HMGA2: variants seen among roughly 807,000 people sequenced by gnomAD.
HMGA2 encodes high mobility group protein HMGI-C.
Under a neutral mutation model 19.1 loss-of-function variants are expected in HMGA2, and 8 were observed. The observed-to-expected ratio is 0.42, with a 90% confidence interval of 0.25 to 0.76. The LOEUF is 0.76. Among genes scored for constraint, HMGA2 ranks in the 30% least tolerant of loss-of-function variants. The pLI is 0.28. For synonymous variants in HMGA2, 60 were observed against 48.8 expected (o/e 1.23, Z -0.96); for missense variants, 109 against 136.3 (o/e 0.80, Z 1.00).
chr12:65,915,590 G>A, intron 3 of HMGA2: 7 of 1,044,162 alleles, frequency 6.7e-6, no homozygotes, highest in Non-Finnish European at 8.2e-6. Context: ...TCATTCCATT[G>A]GTATTTTCCT....
chr12:65,952,556 C>T (rs1322117359), intron 4 of HMGA2: 9 of 1,380,936 alleles, frequency 6.5e-6, no homozygotes, highest in Non-Finnish European at 8.5e-6. Flanking sequence ...TTGCTGCTCC[C>T]ATACCTAAAA....
chr12:65,912,742 G>A (rs183270045), intron 3 of HMGA2, among the ~76,000 whole-genome samples: 16 of 152,312 alleles, frequency 1.1e-4, no homozygotes, highest in Non-Finnish European at 2.2e-4. Context: ...TTAACGTCAT[G>A]CCATAGCTCC....
intron 3 of HMGA2, chr12:65,873,777 C>G (rs552999897): frequency 8.9e-4 from 136 of 152,268 alleles, no homozygotes; most frequent in African/African-American, 2.9e-3. Context: ...GTTTTCAAGT[C>G]TTGCTTGTGG....
At chr12:65,845,289 G>A (rs543793059) in intron 3 of HMGA2, among the ~76,000 whole-genome samples, 6 of 151,926 alleles carry the variant, frequency 3.9e-5, no homozygotes, top group South Asian at 2.1e-4. Flanking sequence ...TTTTGTTTTC[G>A]AGACAGTTTC....
intron 3 of HMGA2, among the ~76,000 whole-genome samples, chr12:65,927,000 A>T (rs1005042212): frequency 2.6e-5 from 4 of 152,212 alleles, no homozygotes; most frequent in African/African-American, 7.2e-5. Flanking sequence ...AGGGTATATC[A>T]TTGGAGACTC....
intron 3 of HMGA2, among the ~76,000 whole-genome samples, chr12:65,861,888 A>G (rs886872494): frequency 5.5e-5 from 8 of 144,936 alleles, no homozygotes. Flanking sequence ...CTTGTTGCCC[A>G]GGCTGGAGCG....
At chr12:65,917,071 C>T (rs1031856451) in intron 3 of HMGA2, among the ~76,000 whole-genome samples, 3 of 152,066 alleles carry the variant, frequency 2.0e-5, no homozygotes, top group Non-Finnish European at 4.4e-5. Flanking sequence ...ATCTGGGGCT[C>T]ATCTGAGTAT....
chr12:65,866,141 A>T (rs1365586841), intron 3 of HMGA2, among the ~76,000 whole-genome samples: 1 of 152,222 alleles, frequency 6.6e-6, no homozygotes, highest in African/African-American at 2.4e-5. Flanking sequence ...TCCTAAGGAA[A>T]CATCTGTTCA....
intron 3 of HMGA2, chr12:65,866,874 TTTCTGCTGCTGTTTTCC>T: frequency 8.7e-6 from 4 of 457,332 alleles, no homozygotes; most frequent in South Asian, 6.2e-5. Context: ...CAAATTTTTC[TTTCTGCTGCTGTTTTCC>T]TTCTGCTGCC....
chr12:65,920,804 C>T (rs140555420), intron 3 of HMGA2, among the ~76,000 whole-genome samples: 1,559 of 152,196 alleles, frequency 0.01, 27 homozygotes, highest in African/African-American at 0.036. Flanking sequence ...TTATCAGCAG[C>T]GTGAAAACAG....
At chr12:65,949,603 T>G (rs954436960) in intron 3 of HMGA2, among the ~76,000 whole-genome samples, 1 of 152,194 alleles carries the variant, frequency 6.6e-6, no homozygotes. Flanking sequence ...CCATCTTTTA[T>G]AATGCCAAAG....
chr12:65,861,779 A>G (rs998724772), intron 3 of HMGA2, among the ~76,000 whole-genome samples: 3 of 151,610 alleles, frequency 2.0e-5, no homozygotes, highest in African/African-American at 7.3e-5. Context: ...GGCTTTAAAG[A>G]TATGCTTTAA....
intron 3 of HMGA2, among the ~76,000 whole-genome samples, chr12:65,839,543 TCA>T (rs912968920): frequency 4.6e-5 from 7 of 152,196 alleles, no homozygotes; most frequent in African/African-American, 1.4e-4. Flanking sequence ...GAGTTCTGCA[TCA>T]CTTTCTATTT....
At chr12:65,948,407 G>T (rs1218558684) in intron 3 of HMGA2, 1 of 152,170 alleles carries the variant, frequency 6.6e-6, no homozygotes, top group East Asian at 1.9e-4. Flanking sequence ...TGAGCCGAGA[G>T]ATGCCCCAAG....
chr12:65,842,342 T>C, intron 3 of HMGA2: 1 of 609,302 alleles, frequency 1.6e-6, no homozygotes, highest in South Asian at 1.8e-5. Flanking sequence ...TAGTGCTCAG[T>C]AAATGTTGGA....
In HMGA2 at chr12:65,964,547, A is replaced by C. The variant is rs984986356; in HGVS notation, c.*1255A>C. Reference sequence around the variant, plus strand: ...ATGCAATATATCCCCACTACTCAATACTACCTCTGAATGTTACAACGAATT... The same window carrying C: ...ATGCAATATATCCCCACTACTCAATCCTACCTCTGAATGTTACAACGAATT... On this transcript the variant is annotated 3_prime_UTR_variant, in exon 5 of 5. Coordinates refer to ENST00000403681, the MANE Select transcript of HMGA2 (RefSeq NM_003483.6). 3 of 217,776 alleles carry C rather than the reference A, an allele frequency of 1.4e-5. No individual in the cohort carries two copies. The highest frequency in any genetic ancestry group is 4.5e-5 in the African/African-American group (2 of 44,494). 13.5% of individuals were successfully genotyped at this position (217,776 alleles called of 1,614,324 possible).
In HMGA2 at chr12:65,838,576, A is replaced by T; in HGVS notation, c.249+7A>T. On this transcript the variant is annotated splice_region_variant and intron_variant, in intron 3 of 4. Coordinates refer to ENST00000403681, the MANE Select transcript of HMGA2 (RefSeq NM_003483.6). ...AGGCAGACCTAGGAAATGGGTGAGT[A>T]ATAAGATATAATTTTTCTTCTTTTT... 1 of 1,593,260 alleles carries T rather than the reference A, an allele frequency of 6.3e-7. No individual in the cohort carries two copies. Among genetic ancestry groups the T allele is most frequent in the Non-Finnish European group, 8.6e-7 (1 of 1,163,716 alleles).
chr12:65,964,724 A>AT lies in HMGA2; in HGVS notation c.*1437dup, dbSNP rs1565744720. On this transcript the variant is annotated 3_prime_UTR_variant, in exon 5 of 5. Transcript: ENST00000403681. ...TTACTGTGTTTCAGCATGACTATGTATTTTTCTATGTTTTTTTAATTAAAA... is the reference window on the plus strand; with the variant it reads ...TTACTGTGTTTCAGCATGACTATGTATTTTTTCTATGTTTTTTTAATTAAAA... The AT allele has an allele frequency of 1.0e-5, 2 of 199,396 alleles. No homozygotes were observed. Among genetic ancestry groups the AT allele is most frequent in the Non-Finnish European group, 2.1e-5 (2 of 96,526 alleles). 12.4% of individuals were successfully genotyped at this position (199,396 alleles called of 1,614,324 possible).
intron 3 of HMGA2, among the ~76,000 whole-genome samples, chr12:65,911,181 G>A (rs1202349172): frequency 6.6e-6 from 1 of 152,192 alleles, no homozygotes. Flanking sequence ...ATACTTTGAT[G>A]ACTTACATTA....
Sources: allele counts gnomAD v4.1 joint callset (sites outside exome capture counted in the v4.1 genomes callset), GRCh38; gene constraint gnomAD v4.1.1; transcripts MANE v1.5; gene names NCBI Gene and HGNC (gene_info 2026-07-23, HGNC 2026-07-21).